The following SI variants were observed in gnomAD, a reference collection of about 807,000 sequenced individuals.
SI encodes the protein sucrase-isomaltase, intestinal.
In SI, 235 loss-of-function variants were observed where a neutral mutation model predicts 253.3. That is an observed-to-expected ratio of 0.93 (90% confidence interval 0.83 to 1.03). SI has a LOEUF of 1.03. Among genes scored for constraint, SI ranks in the 50% least tolerant of loss-of-function variants. SI has a pLI of 0.00. For missense variants in SI, 2,442 were observed against 2,211.1 expected (o/e 1.10, Z -2.09); for synonymous variants, 819 against 712.0 (o/e 1.15, Z -2.39).
chr3:165,033,480 A>G, intron 22 of SI, 36 bp from the exon 23 acceptor site: 1 of 1,475,232 alleles, frequency 6.8e-7, no homozygotes, highest in Middle Eastern at 1.8e-4. Context: ...TACAAAATGC[A>G]ATGTTAAATT....
intron 16 of SI, among the ~76,000 whole-genome samples, chr3:165,045,319 T>G (rs1713046892): frequency 6.6e-6 from 1 of 152,080 alleles, no homozygotes. Flanking sequence ...ACAGGGTATA[T>G]CTTTAATTTA....
intron 33 of SI, 52 bp downstream of exon 33, chr3:165,015,071 C>A: frequency 3.6e-6 from 5 of 1,370,750 alleles, no homozygotes; most frequent in Non-Finnish European, 5.2e-6. Context: ...TGGAAACTTT[C>A]ATTGAAATAT....
intron 37 of SI, among the ~76,000 whole-genome samples, chr3:165,000,314 G>A (rs56676342): frequency 0.18 from 27,713 of 150,890 alleles, 3,519 homozygotes; most frequent in African/African-American, 0.36. Context: ...GGTTGATAAG[G>A]ATTCTACATA....
chr3:164,996,843 T>A, intron 38 of SI, 71 bp from the exon 39 acceptor site: 1 of 755,502 alleles, frequency 1.3e-6, no homozygotes, highest in Non-Finnish European at 2.0e-6. Flanking sequence ...TTTATTTCTA[T>A]TTATGATGAT....
At chr3:165,036,970 G>T (rs545160075) in intron 21 of SI, among the ~76,000 whole-genome samples, 12 of 145,066 alleles carry the variant, frequency 8.3e-5, no homozygotes, top group East Asian at 6.1e-4. Context: ...AAGAAATATG[G>T]TTTTTTTTTT....
intron 38 of SI, 103 bp downstream of exon 38, chr3:164,998,437 A>C: frequency 8.0e-7 from 1 of 1,247,568 alleles, no homozygotes; most frequent in Non-Finnish European, 1.2e-6. Context: ...CGATGTGAAG[A>C]ACAAAATTCT....
At chr3:165,011,930 G>A (rs1026595320) in intron 34 of SI, among the ~76,000 whole-genome samples, 10 of 151,828 alleles carry the variant, frequency 6.6e-5, no homozygotes, top group East Asian at 1.9e-4. Flanking sequence ...TATAATCATC[G>A]TATCTTCCTA....
chr3:164,985,170 C>T (rs140473108), intron 45 of SI, among the ~76,000 whole-genome samples: 5 of 152,218 alleles, frequency 3.3e-5, no homozygotes, highest in African/African-American at 7.2e-5. Context: ...ATGTTGTCAT[C>T]GATGCTGTAG....
At chr3:165,030,049 T>C (rs573663083) in intron 25 of SI, among the ~76,000 whole-genome samples, 53 of 149,762 alleles carry the variant, frequency 3.5e-4, no homozygotes, top group African/African-American at 1.2e-3. Flanking sequence ...TGCTGACAAA[T>C]ATGTCTTGAC....
intron 8 of SI, 120 bp downstream of exon 8, chr3:165,063,322 G>T: frequency 1.9e-6 from 1 of 513,750 alleles, no homozygotes; most frequent in Non-Finnish European, 3.5e-6. Flanking sequence ...AATGTCACAT[G>T]TTAATATTAA....
At chr3:165,007,860 A>T in intron 36 of SI, 51 bp downstream of exon 36, 1 of 780,746 alleles carries the variant, frequency 1.3e-6, no homozygotes, top group Non-Finnish European at 2.2e-6. Context: ...TATACCTATT[A>T]ATATATAATA....
At chr3:164,989,380 GA>G (rs1490450961) in intron 44 of SI, among the ~76,000 whole-genome samples, 9 of 79,426 alleles carry the variant, frequency 1.1e-4, no homozygotes, top group Non-Finnish European at 2.6e-4. Flanking sequence ...AAGGAAGAAA[GA>G]AAGAAAGGAA....
intron 25 of SI, among the ~76,000 whole-genome samples, chr3:165,029,020 A>C (rs1012236127): frequency 6.6e-6 from 1 of 151,544 alleles, no homozygotes; most frequent in African/African-American, 2.4e-5. Flanking sequence ...TTCACCATCT[A>C]TACATCTGAC....
At chr3:165,043,315 T>C in intron 16 of SI, 140 bp from the exon 17 acceptor site, 1 of 612,100 alleles carries the variant, frequency 1.6e-6, no homozygotes, top group Non-Finnish European at 2.9e-6. Flanking sequence ...CTTAAACCAA[T>C]TTATTTTCCA....
At chr3:165,067,603 TC>T in intron 5 of SI, 112 bp from the exon 6 acceptor site, 1 of 929,256 alleles carries the variant, frequency 1.1e-6, no homozygotes, top group Non-Finnish European at 1.7e-6. Flanking sequence ...GTGATTAGTT[TC>T]ATAGAAGAGT....
At chr3:165,047,762 G>T (rs192220928) in intron 15 of SI, among the ~76,000 whole-genome samples, 4 of 151,956 alleles carry the variant, frequency 2.6e-5, no homozygotes, top group Middle Eastern at 6.8e-3. Context: ...TTTGTAGTGT[G>T]ATGACTCCAA....
chr3:165,056,994 A>G (rs184528768), intron 12 of SI, among the ~76,000 whole-genome samples: 193 of 152,114 alleles, frequency 1.3e-3, no homozygotes, highest in Non-Finnish European at 2.3e-3. Context: ...CGAACTAAAT[A>G]AGTTACCAGA....
At chr3:165,049,569 T>C (rs905221831) in intron 14 of SI, among the ~76,000 whole-genome samples, 2 of 152,120 alleles carry the variant, frequency 1.3e-5, no homozygotes, top group Non-Finnish European at 2.9e-5. Context: ...ATATTGTACA[T>C]CATATATTTA....
At chr3:165,032,072 A>T (rs1014746188) in intron 24 of SI, among the ~76,000 whole-genome samples, 2 of 151,258 alleles carry the variant, frequency 1.3e-5, no homozygotes, top group African/African-American at 4.8e-5. Flanking sequence ...AAAGTACAAG[A>T]TATATTTTGA....
Sources: allele counts gnomAD v4.1 joint callset (sites outside exome capture counted in the v4.1 genomes callset), GRCh38; gene constraint gnomAD v4.1.1; transcripts MANE v1.5; gene names NCBI Gene and HGNC (gene_info 2026-07-23, HGNC 2026-07-21).